Variants in DERA observed in about 807,000 individuals in gnomAD.
DERA encodes 2-deoxy-D-ribose 5-phosphate aldolase.
Under a neutral mutation model 41.1 loss-of-function variants are expected in DERA, and 15 were observed. The observed-to-expected ratio is 0.37, with a 90% confidence interval of 0.24 to 0.56. The LOEUF (loss-of-function observed/expected upper bound fraction) is 0.56. Among genes scored for constraint, DERA ranks in the 20% least tolerant of loss-of-function variants. The pLI is 0.81. For missense variants in DERA, 396 were observed against 403.4 expected, an observed-to-expected ratio of 0.98 and a Z score of 0.16; for synonymous variants, 139 against 137.4, an observed-to-expected ratio of 1.01 and a Z score of -0.08.
intron 1 of DERA, among the ~76,000 whole-genome samples, chr12:15,955,036 A>G (rs1404466830): frequency 6.6e-6 from 1 of 152,022 alleles, no homozygotes; most frequent in Non-Finnish European, 1.5e-5. Flanking sequence ...GCAGTGGCTC[A>G]TGCCTGTAAT....
At chr12:16,006,849 A>G (rs1948914080) in intron 6 of DERA, among the ~76,000 whole-genome samples, 1 of 152,238 alleles carries the variant, frequency 6.6e-6, no homozygotes, top group African/African-American at 2.4e-5. Flanking sequence ...ATTGCTATCA[A>G]GAAATTCTGG....
rs756742330 is a variant in DERA at position 15,990,472 on chromosome 12, CA to C, written c.637+8037del. On this transcript the variant is annotated intron_variant, in intron 6 of 8. Transcript: ENST00000428559. This position sits in a 1 kb window ranked among gnomAD's most constrained non-coding sequence, Gnocchi z 4.3. ...TAGTTTTATTTTTAACTTTTAAGTT[CA>C]GGGGTACAAGTACAGGTTTGTTACA... Among the ~76,000 whole-genome samples the C allele has an allele frequency of 3.1e-4, 47 of 151,974 alleles. No homozygotes were observed. Among genetic ancestry groups the C allele is most frequent in the Non-Finnish European group, 6.0e-4 (41 of 67,960 alleles).
Position 15,985,009 on chromosome 12 carries a change from T to G in DERA, c.637+2573T>G. Among the ~76,000 whole-genome samples the G allele has an allele frequency of 6.6e-6, 1 of 152,190 alleles. No individual in the cohort carries two copies. The highest frequency in any genetic ancestry group is 1.5e-5 in the Non-Finnish European group (1 of 68,036). ...CAATTTCATTGAGGCAGATTTGCAT[T>G]CAGTAAAATTCAGGTGTTAGATAGA... On this transcript the variant is annotated intron_variant, in intron 6 of 8. Transcript: ENST00000428559. This position sits in a 1 kb window ranked among gnomAD's most constrained non-coding sequence, Gnocchi z 4.2.
In DERA at chr12:15,996,687, GA is replaced by G. The variant is rs947529427; in HGVS notation, c.637+14254del. ...AGATTTTGACATCTCTTTTTTGGGG[GA>G]AACAATTCAAAGCAAAGAGAAATAG... is the stretch of plus-strand genomic sequence containing the variant. On this transcript the variant is annotated intron_variant, in intron 6 of 8. Transcript: ENST00000428559. This position sits in a 1 kb window ranked among gnomAD's most constrained non-coding sequence, Gnocchi z 4.7. Among the ~76,000 whole-genome samples, 6 of 152,212 alleles carry G rather than the reference GA, an allele frequency of 3.9e-5. No individual in the cohort carries two copies. The South Asian group carries it at 8.3e-4, about 21-fold the overall frequency.
In DERA at chr12:15,935,470, G is replaced by A. The variant is rs1233500931; in HGVS notation, c.32-21466G>A. Among the ~76,000 whole-genome samples, 1 of 152,090 alleles carries A rather than the reference G, an allele frequency of 6.6e-6. No individual in the cohort carries two copies. Among genetic ancestry groups the A allele is most frequent in the Admixed American group, 6.6e-5 (1 of 15,258 alleles). ...CCACTGCACTCCAGCCTGGGCAACAGAGTGAGACCCTGTCTCAAAAAAATA... is the reference window on the plus strand; with the variant it reads ...CCACTGCACTCCAGCCTGGGCAACAAAGTGAGACCCTGTCTCAAAAAAATA... On this transcript the variant is annotated intron_variant, in intron 1 of 8. Transcript: ENST00000428559. The surrounding 1 kb of genome is among the most constrained non-coding windows in gnomAD (Gnocchi z 4.8).
chr12:15,959,774 T>A lies in DERA; in HGVS notation c.278-55T>A. 1 of 1,214,358 alleles carries A rather than the reference T, an allele frequency of 8.2e-7. No individual in the cohort carries two copies. The highest frequency in any genetic ancestry group is 1.2e-6 in the Non-Finnish European group (1 of 854,624). The allele number at this position is 1,214,358 out of a possible 1,614,324, so 75.2% of individuals were successfully genotyped here. A position where few individuals can be genotyped will look rare whatever the true frequency, so the allele number is the denominator to read the frequency against. On this transcript the variant is annotated intron_variant, in intron 3 of 8. Coordinates refer to ENST00000428559, the MANE Select transcript of DERA (RefSeq NM_015954.4). The surrounding 1 kb of genome is among the most constrained non-coding windows in gnomAD (Gnocchi z 4.5). ...GCGATATAAATAATAATTAAAAGCA[T>A]GTTGTATGAGTTGAACTTCATTGAA...
rs1478631710 is a variant in DERA, at chr12:15,989,768, T to C, written c.637+7332T>C. ...TAGATTATGGTCAAAAAGAAATTCTTTGGAGACCAGGTAGAGATATCTAAC... is the reference window on the plus strand; with the variant it reads ...TAGATTATGGTCAAAAAGAAATTCTCTGGAGACCAGGTAGAGATATCTAAC... On this transcript the variant is annotated intron_variant, in intron 6 of 8. Coordinates refer to ENST00000428559, the MANE Select transcript of DERA (RefSeq NM_015954.4). The surrounding 1 kb of genome is among the most constrained non-coding windows in gnomAD (Gnocchi z 5.2). Among the ~76,000 whole-genome samples the C allele has an allele frequency of 6.6e-6, 1 of 152,264 alleles. No individual in the cohort carries two copies. The highest frequency in any genetic ancestry group is 1.5e-5 in the Non-Finnish European group (1 of 68,044).
intron 6 of DERA, among the ~76,000 whole-genome samples, chr12:16,025,285 C>G (rs1415778897): frequency 6.6e-6 from 1 of 151,954 alleles, no homozygotes; most frequent in Non-Finnish European, 1.5e-5. Context: ...AAATCAAGAT[C>G]CTACTATATG....
chr12:15,987,149 C>T (rs1461977853), intron 6 of DERA, among the ~76,000 whole-genome samples: 2 of 151,508 alleles, frequency 1.3e-5, no homozygotes, highest in Non-Finnish European at 2.9e-5. Flanking sequence ...TTGTATTTAT[C>T]CTGAACTTTT....
chr12:15,995,982 G>A lies in DERA; in HGVS notation c.637+13546G>A, dbSNP rs550770273. ...TCAGTGTCTGAATCACCTGGAAATTGGGTGCGCCACATCAGGAGGTAGGAG... is the reference window on the plus strand; with the variant it reads ...TCAGTGTCTGAATCACCTGGAAATTAGGTGCGCCACATCAGGAGGTAGGAG... On this transcript the variant is annotated intron_variant, in intron 6 of 8. Coordinates refer to ENST00000428559, the MANE Select transcript of DERA (RefSeq NM_015954.4). This position sits in a 1 kb window ranked among gnomAD's most constrained non-coding sequence, Gnocchi z 5.1. Among the ~76,000 whole-genome samples the A allele has an allele frequency of 2.6e-5, 4 of 152,258 alleles. No individual in the cohort carries two copies. In the East Asian group the frequency reaches 5.8e-4, roughly 22 times the overall value.
At chr12:16,033,525 G>C (rs191644632) in intron 7 of DERA, among the ~76,000 whole-genome samples, 1 of 149,804 alleles carries the variant, frequency 6.7e-6, no homozygotes, top group Admixed American at 6.7e-5. Flanking sequence ...CAAGTTACTT[G>C]TTTAGCTGCA....
chr12:15,994,470 T>C lies in DERA; in HGVS notation c.637+12034T>C, dbSNP rs1948823284. On this transcript the variant is annotated intron_variant, in intron 6 of 8. Transcript: ENST00000428559. The surrounding 1 kb of genome is among the most constrained non-coding windows in gnomAD (Gnocchi z 4.8). Reference sequence around the variant, plus strand: ...CTGATCTATTAGAAAATTCTTTTTTTTGAGACGGAGTCTCGTTCTGTCGCC... The same window carrying C: ...CTGATCTATTAGAAAATTCTTTTTTCTGAGACGGAGTCTCGTTCTGTCGCC... Among the ~76,000 whole-genome samples the C allele has an allele frequency of 6.6e-6, 1 of 152,252 alleles. No individual in the cohort carries two copies. Among genetic ancestry groups the C allele is most frequent in the Non-Finnish European group, 1.5e-5 (1 of 68,040 alleles).
chr12:15,987,695 T>C (rs1423511363), intron 6 of DERA, among the ~76,000 whole-genome samples: 3 of 152,288 alleles, frequency 2.0e-5, no homozygotes, highest in African/African-American at 7.2e-5. Flanking sequence ...GTTCTCCTGA[T>C]TGGTTACATG....
In DERA at chr12:15,976,175, C is replaced by T. The variant is rs929105566; in HGVS notation, c.509-6133C>T. 5.9e-5 allele frequency among the ~76,000 whole-genome samples: 9 copies of T among 152,166 alleles called. No homozygotes were observed. Among genetic ancestry groups the T allele is most frequent in the Non-Finnish European group, 1.2e-4 (8 of 68,036 alleles). On this transcript the variant is annotated intron_variant, in intron 5 of 8. Transcript: ENST00000428559. This position sits in a 1 kb window ranked among gnomAD's most constrained non-coding sequence, Gnocchi z 4.1. ...CTTACTTTCCCCTTCCATATTTATA[C>T]CCCTTCTTCCCGTCAGTGAGATATC...
rs1463567964 is a variant in DERA at position 15,957,258 on chromosome 12, A to C, written c.129+225A>C. On this transcript the variant is annotated intron_variant, in intron 2 of 8. Coordinates refer to ENST00000428559, the MANE Select transcript of DERA (RefSeq NM_015954.4). This position sits in a 1 kb window ranked among gnomAD's most constrained non-coding sequence, Gnocchi z 4.8. ...ATCACTCTTGAGTGGCAAAACCGCA[A>C]ATGAATTTGAGGCATCTTTATTCAT... 6.6e-6 allele frequency among the ~76,000 whole-genome samples: 1 copy of C among 152,212 alleles called. No homozygotes were observed. Among genetic ancestry groups the C allele is most frequent in the Non-Finnish European group, 1.5e-5 (1 of 68,048 alleles).
intron 1 of DERA, among the ~76,000 whole-genome samples, chr12:15,937,537 A>G (rs901915837): frequency 2.0e-5 from 3 of 152,200 alleles, no homozygotes; most frequent in Non-Finnish European, 4.4e-5. Flanking sequence ...CTCATTTTTC[A>G]TTAACTTTTT....
rs1001789166 is a variant in DERA, at chr12:15,935,433, G to A, written c.32-21503G>A. On this transcript the variant is annotated intron_variant, in intron 1 of 8. Coordinates refer to ENST00000428559, the MANE Select transcript of DERA (RefSeq NM_015954.4). This position sits in a 1 kb window ranked among gnomAD's most constrained non-coding sequence, Gnocchi z 4.8. ...ACCCGGGAGGTGGAAGTTGCAGTGAGCAATGATTATGCCACTGCACTCCAG... is the reference window on the plus strand; with the variant it reads ...ACCCGGGAGGTGGAAGTTGCAGTGAACAATGATTATGCCACTGCACTCCAG... Among the ~76,000 whole-genome samples, 15 of 152,154 alleles carry A rather than the reference G, an allele frequency of 9.9e-5. No individual in the cohort carries two copies. The highest frequency in any genetic ancestry group is 3.9e-4 in the Admixed American group (6 of 15,282).
chr12:16,016,032 T>G (rs1948979935), intron 6 of DERA, among the ~76,000 whole-genome samples: 1 of 152,248 alleles, frequency 6.6e-6, no homozygotes, highest in Non-Finnish European at 1.5e-5. Context: ...CACAAAGTTG[T>G]GCAGCCATCT....
intron 1 of DERA, among the ~76,000 whole-genome samples, chr12:15,949,404 A>T (rs1592013675): frequency 6.6e-6 from 1 of 151,790 alleles, no homozygotes; most frequent in South Asian, 2.1e-4. Flanking sequence ...AATGGCAGGC[A>T]CCCCTCCCCC....
Sources: gnomAD v4.1 joint callset for allele counts (sites outside exome capture counted in the v4.1 genomes callset) on GRCh38, gnomAD v4.1.1 for gene constraint, Gnocchi (gnomAD v3.1) non-coding constraint, MANE v1.5 for transcripts, NCBI Gene and HGNC (gene_info 2026-07-23, HGNC 2026-07-21) for gene names.